Variants in GRID2 observed in about 807,000 individuals in gnomAD.
The protein encoded by GRID2 is glutamate ionotropic receptor delta type subunit 2, also known as glutamate receptor ionotropic, delta-2.
GRID2 carries 33 observed loss-of-function variants against 114.8 expected under a neutral mutation model. The observed-to-expected ratio is 0.29, with a 90% CI of 0.22 to 0.38. The LOEUF is 0.38. Ranked by LOEUF, GRID2 falls within the 10% of genes least tolerant of loss-of-function variation. The pLI, the probability that GRID2 is intolerant of heterozygous loss-of-function variation, is 1.00. For synonymous variants in GRID2, 505 were observed against 449.9 expected (o/e 1.12, Z -1.55); for missense variants, 1,184 against 1,257.7 (o/e 0.94, Z 0.89).
In GRID2 at chr4:92,373,502, C is replaced by T. The variant is rs1729213299; in HGVS notation, c.88+68758C>T. On this transcript the variant is annotated intron_variant, in intron 1 of 15. Coordinates refer to ENST00000282020, the MANE Select transcript of GRID2 (RefSeq NM_001510.4). ...AGCTTCCAGCTGTGAGGGGCTTTTT[C>T]TCTTTCTCATGTGTAATGGCAAATA... 3.3e-5 allele frequency among the ~76,000 whole-genome samples: 5 copies of T among 152,306 alleles called. 1 individual carries two copies. The South Asian group carries it at 1.0e-3, about 32-fold the overall frequency.
Position 93,663,938 on chromosome 4 carries a change from A to G in GRID2, c.2360+37503A>G, listed in dbSNP as rs574410178. Among the ~76,000 whole-genome samples the G allele has an allele frequency of 7.2e-5, 11 of 152,242 alleles. 1 individual carries two copies. In the South Asian group the frequency reaches 1.9e-3, roughly 26 times the overall value. On this transcript the variant is annotated intron_variant, in intron 14 of 15. Transcript: ENST00000282020. ...CATTATTTTTTTCAAACGTATTCGG[A>G]TTTTATGGAACCTGGATTCTAGTGC...
chr4:92,737,409 C>A (rs1579942774), intron 2 of GRID2, among the ~76,000 whole-genome samples: 1 of 152,118 alleles, frequency 6.6e-6, no homozygotes, highest in South Asian at 2.1e-4. Flanking sequence ...GGTTCCTAAG[C>A]TCAGATCTTA....
chr4:93,078,302 T>C (rs1729517871), intron 2 of GRID2, among the ~76,000 whole-genome samples: 1 of 152,142 alleles, frequency 6.6e-6, no homozygotes, highest in African/African-American at 2.4e-5. Context: ...CCCCAATCTC[T>C]AGTTGAGGAA....
intron 2 of GRID2, among the ~76,000 whole-genome samples, chr4:93,031,724 G>A (rs555034151): frequency 6.6e-6 from 1 of 151,986 alleles, no homozygotes; most frequent in East Asian, 1.9e-4. Context: ...CAGTCATGTG[G>A]AACTGTGGGT....
intron 2 of GRID2, among the ~76,000 whole-genome samples, chr4:92,696,908 A>G (rs1207213395): frequency 6.6e-6 from 1 of 152,056 alleles, no homozygotes; most frequent in Admixed American, 6.6e-5. Flanking sequence ...CTTCTAATAG[A>G]CTCCACACTT....
intron 4 of GRID2, among the ~76,000 whole-genome samples, chr4:93,140,949 A>G (rs577702998): frequency 2.0e-5 from 3 of 152,302 alleles, no homozygotes; most frequent in South Asian, 4.1e-4. Context: ...CTCAAATATA[A>G]GATTATATCC....
intron 2 of GRID2, among the ~76,000 whole-genome samples, chr4:92,831,909 TAAG>T (rs1467600158): frequency 1.3e-5 from 2 of 151,848 alleles, no homozygotes; most frequent in Admixed American, 6.6e-5. Context: ...CCCCCCAAAA[TAAG>T]AAAGTAAATA....
chr4:93,398,741 G>A (rs1370659191), intron 9 of GRID2, among the ~76,000 whole-genome samples: 1 of 147,650 alleles, frequency 6.8e-6, no homozygotes, highest in Non-Finnish European at 1.5e-5. Flanking sequence ...TGGAGACATG[G>A]AAGCAGTGTT....
chr4:92,658,309 A>T lies in GRID2; in HGVS notation c.244+68023A>T, dbSNP rs1047311196. 2.0e-5 allele frequency among the ~76,000 whole-genome samples: 3 copies of T among 151,796 alleles called. No individual in the cohort carries two copies. In the East Asian group the frequency reaches 5.8e-4, roughly 29 times the overall value. ...AATTATTCTAATTTCTCTATTAAAT[A>T]CTTCTATTAAAATATTTCATCTCAT... is the stretch of plus-strand genomic sequence containing the variant. On this transcript the variant is annotated intron_variant, in intron 2 of 15. Coordinates refer to ENST00000282020, the MANE Select transcript of GRID2 (RefSeq NM_001510.4).
chr4:93,165,390 G>C (rs1738153997), intron 4 of GRID2, among the ~76,000 whole-genome samples: 1 of 150,704 alleles, frequency 6.6e-6, no homozygotes, highest in South Asian at 2.1e-4. Flanking sequence ...GATTGCTAAA[G>C]ATTAGAATAA....
At chr4:93,354,023 G>GCACGCA (rs1553915449) in intron 8 of GRID2, among the ~76,000 whole-genome samples, 1 of 100,236 alleles carries the variant, frequency 1.0e-5, no homozygotes, top group African/African-American at 6.3e-5. Flanking sequence ...GCACACACAT[G>GCACGCA]CACACACACA....
intron 8 of GRID2, among the ~76,000 whole-genome samples, chr4:93,304,257 AATATATAT>A (rs10557964): frequency 1.4e-5 from 2 of 142,982 alleles, no homozygotes; most frequent in African/African-American, 2.5e-5. Context: ...TAATATTTTA[AATATATAT>A]ATATATATAT....
intron 2 of GRID2, among the ~76,000 whole-genome samples, chr4:93,008,842 A>G (rs1459064574): frequency 6.6e-6 from 1 of 152,118 alleles, no homozygotes; most frequent in East Asian, 1.9e-4. Flanking sequence ...TCAACTATGA[A>G]AGAGCTCTCA....
At chr4:93,304,733 G>C (rs564980664) in intron 8 of GRID2, among the ~76,000 whole-genome samples, 4 of 152,186 alleles carry the variant, frequency 2.6e-5, no homozygotes, top group African/African-American at 7.2e-5. Flanking sequence ...CATGCTTATT[G>C]CTTTGTGTGT....
At chr4:93,045,815 G>A (rs1726083417) in intron 2 of GRID2, among the ~76,000 whole-genome samples, 1 of 152,018 alleles carries the variant, frequency 6.6e-6, no homozygotes, top group South Asian at 2.1e-4. Context: ...CTGTGTGTGT[G>A]TTTATAAACA....
intron 2 of GRID2, among the ~76,000 whole-genome samples, chr4:92,779,624 T>G (rs1372712317): frequency 6.6e-6 from 1 of 152,092 alleles, no homozygotes; most frequent in Non-Finnish European, 1.5e-5. Context: ...AACCTGCATG[T>G]CCAACTATGG....
At chr4:93,191,446 A>G (rs1054257114) in intron 4 of GRID2, among the ~76,000 whole-genome samples, 1 of 152,096 alleles carries the variant, frequency 6.6e-6, no homozygotes, top group African/African-American at 2.4e-5. Context: ...GTTGAACGTA[A>G]TTGAACCCAC....
chr4:93,203,451 T>C (rs1228759263), intron 4 of GRID2, among the ~76,000 whole-genome samples: 1 of 152,184 alleles, frequency 6.6e-6, no homozygotes, highest in Non-Finnish European at 1.5e-5. Flanking sequence ...CATTCTAGTA[T>C]AATTCGTTTT....
At chr4:93,206,249 T>A (rs1742760199) in intron 4 of GRID2, among the ~76,000 whole-genome samples, 2 of 152,028 alleles carry the variant, frequency 1.3e-5, no homozygotes, top group African/African-American at 4.8e-5. Flanking sequence ...ATTCTGCAAC[T>A]AATTACGTAC....
Sources: gnomAD v4.1 joint callset for allele counts (sites outside exome capture counted in the v4.1 genomes callset) on GRCh38, gnomAD v4.1.1 for gene constraint, MANE v1.5 for transcripts, NCBI Gene and HGNC (gene_info 2026-07-23, HGNC 2026-07-21) for gene names.